LRRC7: variants seen among roughly 807,000 people sequenced by gnomAD.
The protein encoded by LRRC7 is leucine rich repeat containing 7, also known as leucine-rich repeat-containing protein 7.
Under a neutral mutation model 175.7 loss-of-function variants are expected in LRRC7, and 23 were observed. The observed-to-expected ratio is 0.13, with a 90% CI of 0.09 to 0.19. The LOEUF is 0.19. LRRC7 is among the 10% of genes least tolerant of loss of function. The pLI is 1.00. For synonymous variants in LRRC7, 685 were observed against 680.9 expected (o/e 1.01, Z -0.09); for missense variants, 1,354 against 1,904.7 (o/e 0.71, Z 5.38).
intron 7 of LRRC7, among the ~76,000 whole-genome samples, chr1:69,899,349 T>C (rs530942050): frequency 4.6e-5 from 7 of 152,312 alleles, no homozygotes; most frequent in African/African-American, 1.7e-4. Flanking sequence ...CTGTCAGAGA[T>C]GCTCTTACCT....
chr1:69,745,190 A>G (rs1669124252), intron 2 of LRRC7, among the ~76,000 whole-genome samples: 1 of 151,990 alleles, frequency 6.6e-6, no homozygotes, highest in African/African-American at 2.4e-5. Flanking sequence ...TGGTGAAAAA[A>G]TAGTTTCCTA....
intron 1 of LRRC7, among the ~76,000 whole-genome samples, chr1:69,586,800 C>G (rs1370238727): frequency 6.6e-6 from 1 of 152,084 alleles, no homozygotes; most frequent in Non-Finnish European, 1.5e-5. Context: ...CGCCTTAATT[C>G]TTTAAAATAC....
intron 7 of LRRC7, among the ~76,000 whole-genome samples, chr1:69,841,345 T>C (rs1488644615): frequency 6.6e-6 from 1 of 152,038 alleles, no homozygotes; most frequent in East Asian, 1.9e-4. Context: ...AGAAGTGATG[T>C]ACTATGATGT....
At chr1:69,993,529 C>T (rs1557966602) in intron 10 of LRRC7, among the ~76,000 whole-genome samples, 7 of 151,202 alleles carry the variant, frequency 4.6e-5, no homozygotes. Flanking sequence ...ATACTGTGCA[C>T]CACACACACA....
intron 4 of LRRC7, among the ~76,000 whole-genome samples, chr1:69,818,038 T>G (rs1353967894): frequency 2.0e-5 from 3 of 152,130 alleles, no homozygotes; most frequent in Non-Finnish European, 4.4e-5. Flanking sequence ...GTTTTCTATA[T>G]ATAAGATGCT....
intron 2 of LRRC7, among the ~76,000 whole-genome samples, chr1:69,753,452 C>T (rs1356655629): frequency 2.0e-5 from 3 of 151,986 alleles, no homozygotes; most frequent in South Asian, 4.2e-4. Context: ...TAATGAGATC[C>T]AAGCCTAGGT....
At position 70,135,442 on chromosome 1, in the gene LRRC7, A is replaced by C. The variant is rs538504334; in HGVS notation, c.*13555A>C. Among the ~76,000 whole-genome samples the C allele has an allele frequency of 3.9e-5, 6 of 152,296 alleles. No homozygotes were observed. Among genetic ancestry groups the C allele is most frequent in the African/African-American group, 1.2e-4 (5 of 41,570 alleles). ...GCTTTTAGGTACAACAAATGGAAAT[A>C]TCATCTAGGCTGGGTTGGGGTGCAG... On this transcript the variant is annotated 3_prime_UTR_variant, in exon 27 of 27. Coordinates refer to ENST00000651989, the MANE Select transcript of LRRC7 (RefSeq NM_001370785.2).
intron 4 of LRRC7, 49 bp from the exon 5 acceptor site, chr1:69,825,699 G>T: frequency 8.1e-7 from 1 of 1,236,970 alleles, no homozygotes; most frequent in South Asian, 1.3e-5. Flanking sequence ...ATAGTTTAAA[G>T]AATATTTGTT....
At chr1:69,895,552 T>C (rs1645956368) in intron 7 of LRRC7, among the ~76,000 whole-genome samples, 1 of 152,182 alleles carries the variant, frequency 6.6e-6, no homozygotes, top group Non-Finnish European at 1.5e-5. Context: ...ATTAAGATAA[T>C]GAACAAAATT....
intron 7 of LRRC7, among the ~76,000 whole-genome samples, chr1:69,855,637 T>C (rs1212782063): frequency 6.6e-6 from 1 of 152,108 alleles, no homozygotes; most frequent in African/African-American, 2.4e-5. Context: ...AGATGTCTAT[T>C]AGGTCTGCTT....
At chr1:69,983,688 A>C (rs1557956845) in intron 9 of LRRC7, among the ~76,000 whole-genome samples, 1 of 152,166 alleles carries the variant, frequency 6.6e-6, no homozygotes, top group Non-Finnish European at 1.5e-5. Context: ...TGATCTTTGA[A>C]GTGCCAGCCA....
chr1:69,817,685 T>C (rs987214882), intron 4 of LRRC7, among the ~76,000 whole-genome samples: 52 of 152,270 alleles, frequency 3.4e-4, no homozygotes, highest in African/African-American at 1.2e-3. Flanking sequence ...GGGATTTTGA[T>C]AGGAATTGCA....
intron 1 of LRRC7, among the ~76,000 whole-genome samples, chr1:69,589,444 C>G (rs1164719169): frequency 6.6e-6 from 1 of 152,124 alleles, no homozygotes; most frequent in Non-Finnish European, 1.5e-5. Context: ...TCATGTCTCA[C>G]TAGGGTATGA....
intron 8 of LRRC7, among the ~76,000 whole-genome samples, chr1:69,949,414 A>G (rs1649681922): frequency 6.6e-6 from 1 of 152,110 alleles, no homozygotes; most frequent in Non-Finnish European, 1.5e-5. Context: ...TCGACTAAAA[A>G]TACAAAAAAT....
At chr1:70,041,680 A>G (rs1238461459) in intron 21 of LRRC7, among the ~76,000 whole-genome samples, 1 of 152,370 alleles carries the variant, frequency 6.6e-6, no homozygotes, top group East Asian at 1.9e-4. Context: ...CATATGTACA[A>G]TGACTAGTAA....
At chr1:69,952,000 G>T (rs1257599468) in intron 8 of LRRC7, among the ~76,000 whole-genome samples, 1 of 151,882 alleles carries the variant, frequency 6.6e-6, no homozygotes, top group Non-Finnish European at 1.5e-5. Context: ...TAGTAAATGT[G>T]ACTGAGCTAG....
chr1:69,927,665 CT>C (rs1647128561), intron 7 of LRRC7, among the ~76,000 whole-genome samples: 1 of 152,212 alleles, frequency 6.6e-6, no homozygotes, highest in South Asian at 2.1e-4. Context: ...CCATCAGCTC[CT>C]TTAAGGACTT....
intron 8 of LRRC7, among the ~76,000 whole-genome samples, chr1:69,976,162 T>C (rs1422595635): frequency 6.6e-6 from 1 of 152,148 alleles, no homozygotes; most frequent in Non-Finnish European, 1.5e-5. Context: ...ACTAATAGGA[T>C]AGATAGATAA....
intron 1 of LRRC7, among the ~76,000 whole-genome samples, chr1:69,593,111 G>A (rs997796189): frequency 1.3e-5 from 2 of 152,038 alleles, no homozygotes; most frequent in South Asian, 4.1e-4. Flanking sequence ...GTTTTTCAGA[G>A]AATCAGTTCC....
Sources: allele counts gnomAD v4.1 joint callset (sites outside exome capture counted in the v4.1 genomes callset), GRCh38; gene constraint gnomAD v4.1.1; transcripts MANE v1.5; gene names NCBI Gene and HGNC (gene_info 2026-07-23, HGNC 2026-07-21).